Variants in POLR3E observed in about 807,000 individuals in gnomAD.
POLR3E encodes RNA polymerase III subunit E.
POLR3E carries 41 observed loss-of-function variants against 96.6 expected under a neutral mutation model. That is an observed-to-expected ratio of 0.42 (90% CI 0.33 to 0.55). The LOEUF (loss-of-function observed/expected upper bound fraction) is 0.55, where lower values mean the gene tolerates loss of function less well. POLR3E is among the 20% of genes least tolerant of loss of function. The pLI, the probability that POLR3E is intolerant of heterozygous loss-of-function variation, is 0.06. For missense variants in POLR3E, 849 were observed against 952.1 expected, an observed-to-expected ratio of 0.89 and a Z score of 1.43; for synonymous variants, 396 against 383.6, an observed-to-expected ratio of 1.03 and a Z score of -0.38.
chr16:22,328,841 A>G, intron 19 of POLR3E: 4 of 446,868 alleles, frequency 9.0e-6, no homozygotes, highest in East Asian at 4.6e-5. Context: ...TTTAAAAAAT[A>G]CAGGCTGGGC....
intron 1 of POLR3E, among the ~76,000 whole-genome samples, chr16:22,297,917 G>T (rs2047929694): frequency 6.6e-6 from 1 of 152,250 alleles, no homozygotes; most frequent in South Asian, 2.1e-4. Context: ...CTGACCACCC[G>T]CGAGGGAGCA....
intron 6 of POLR3E, among the ~76,000 whole-genome samples, chr16:22,311,198 ACCT>A (rs1231937248): frequency 6.8e-6 from 1 of 147,378 alleles, no homozygotes; most frequent in Non-Finnish European, 1.5e-5. Context: ...CGAACTCCTG[ACCT>A]CAGGTGATCC....
chr16:22,328,266 A>G (rs900542015), intron 18 of POLR3E: 16 of 529,026 alleles, frequency 3.0e-5, no homozygotes, highest in Admixed American at 9.6e-5. Flanking sequence ...CACTGGGCCC[A>G]TCACACTCCC....
chr16:22,316,687 G>C lies in POLR3E; in HGVS notation c.728+1G>C. The C allele has an allele frequency of 6.2e-7, 1 of 1,612,874 alleles. No homozygotes were observed. Among genetic ancestry groups the C allele is most frequent in the African/African-American group, 1.3e-5 (1 of 75,040 alleles). The stretch of plus-strand genomic sequence containing the variant: ...ACACGGAGCTCGTCAAGTCACCCAG[G>C]TGGGATGGGCTGGGCCAGCATGCAA... On this transcript the variant is annotated splice_donor_variant, in intron 10 of 20. Coordinates refer to ENST00000299853, the MANE Select transcript of POLR3E (RefSeq NM_018119.4). LOFTEE classifies it high-confidence loss of function.
chr16:22,324,598 C>T lies in POLR3E; in HGVS notation c.1224C>T (p.Phe408=). The part of the protein sequence containing the change: ...WEFILPYDGE[F]IKKHPDVVQR... Reference sequence around the variant, plus strand: ...TCATTCTGCCTTATGATGGGGAGTTCATCAAGAAGCACCCGGATGTGGTCC... The same window carrying T: ...TCATTCTGCCTTATGATGGGGAGTTTATCAAGAAGCACCCGGATGTGGTCC... Residue 408 remains phenylalanine, a synonymous_variant, in exon 16 of 21, where the codon TTC becomes TTT. Transcript: ENST00000299853. 6.2e-7 allele frequency: 1 copy of T among 1,613,722 alleles called. No homozygotes were observed. Among genetic ancestry groups the T allele is most frequent in the Non-Finnish European group, 8.5e-7 (1 of 1,179,890 alleles).
At chr16:22,316,038 A>G (rs1226289787) in intron 9 of POLR3E, among the ~76,000 whole-genome samples, 7 of 152,128 alleles carry the variant, frequency 4.6e-5, no homozygotes, top group South Asian at 2.1e-4. Flanking sequence ...CAAAGACACC[A>G]TGGGCCAGGG....
intron 5 of POLR3E, 61 bp downstream of exon 5, chr16:22,309,101 A>C: frequency 5.0e-6 from 6 of 1,193,256 alleles, no homozygotes; most frequent in Non-Finnish European, 6.1e-6. Flanking sequence ...CCTCCAAAAG[A>C]CCTTAAAGAC....
intron 1 of POLR3E, among the ~76,000 whole-genome samples, chr16:22,299,568 C>T (rs1270607188): frequency 1.3e-5 from 2 of 151,864 alleles, no homozygotes; most frequent in African/African-American, 2.4e-5. Flanking sequence ...CGTGCATCAC[C>T]ACGCCTGGCT....
intron 6 of POLR3E, 128 bp downstream of exon 6, chr16:22,309,638 AG>A: frequency 1.3e-6 from 1 of 751,222 alleles, no homozygotes; most frequent in Non-Finnish European, 2.4e-6. Flanking sequence ...GGGGCCGGGC[AG>A]GTGTGGAAAT....
chr16:22,308,309 G>A lies in POLR3E; in HGVS notation c.165+84G>A, dbSNP rs2048177016. On this transcript the variant is annotated intron_variant, in intron 4 of 20. Transcript: ENST00000299853. ...TGGTGGAGGCGAGAAGCTCAGAGAA[G>A]GAGTCATTGGAGAAGTAGGAGAACC... The A allele has an allele frequency of 5.8e-6, 6 of 1,031,986 alleles. No homozygotes were observed. The East Asian group carries it at 1.4e-4, about 25-fold the overall frequency. The allele number at this position is 1,031,986 out of a possible 1,614,324, so 63.9% of individuals were successfully genotyped here.
intron 19 of POLR3E, among the ~76,000 whole-genome samples, chr16:22,329,825 C>CA (rs1440035231): frequency 6.6e-6 from 1 of 152,100 alleles, no homozygotes; most frequent in African/African-American, 2.4e-5. Context: ...AACAGGGTCT[C>CA]ACTATGTTGG....
At position 22,323,060 on chromosome 16, in the gene POLR3E, C is replaced by G. The variant is rs921732751; in HGVS notation, c.1068+129C>G. 12 of 625,376 alleles carry G rather than the reference C, an allele frequency of 1.9e-5. No individual in the cohort carries two copies. The Admixed American group carries it at 2.4e-4, about 12-fold the overall frequency. The allele number at this position is 625,376 out of a possible 1,614,324, so 38.7% of individuals were successfully genotyped here. A position where few individuals can be genotyped will look rare whatever the true frequency, so the allele number is the denominator to read the frequency against. ...GGCGGGTGTGTGAGGAGGCCCTGGC[C>G]TCTGCCTTTCTCCTCCTTCCTCTCA... is the stretch of plus-strand genomic sequence containing the variant. On this transcript the variant is annotated intron_variant, in intron 14 of 20. Coordinates refer to ENST00000299853, the MANE Select transcript of POLR3E (RefSeq NM_018119.4).
chr16:22,303,108 C>A, intron 2 of POLR3E, 104 bp downstream of exon 2: 1 of 1,073,102 alleles, frequency 9.3e-7, no homozygotes, highest in Non-Finnish European at 1.5e-6. Context: ...TGTTCTGGGA[C>A]CCCTAACCCT....
chr16:22,302,204 T>C (rs1598232161), intron 1 of POLR3E, among the ~76,000 whole-genome samples: 1 of 151,958 alleles, frequency 6.6e-6, no homozygotes, highest in East Asian at 1.9e-4. Context: ...GAAAGGCCTT[T>C]CCCGCCTCTC....
In POLR3E at chr16:22,313,218, TC is replaced by T. The variant is rs1226909645; in HGVS notation, c.365-400del. On this transcript the variant is annotated intron_variant, in intron 6 of 20. Transcript: ENST00000299853. This position sits in a 1 kb window ranked among gnomAD's most constrained non-coding sequence, Gnocchi z 4.1. ...GATGGAGGATAAGAAGGAGAGGAAATCCAGGTGTGTGGGGCGGGACAGTAAG... is the reference window on the plus strand; with the variant it reads ...GATGGAGGATAAGAAGGAGAGGAAATCAGGTGTGTGGGGCGGGACAGTAAG... Among the ~76,000 whole-genome samples, 1 of 152,020 alleles carries T rather than the reference TC, an allele frequency of 6.6e-6. No individual in the cohort carries two copies. The highest frequency in any genetic ancestry group is 2.4e-5 in the African/African-American group (1 of 41,380).
At chr16:22,316,480 C>T in intron 9 of POLR3E, 121 bp from the exon 10 acceptor site, 2 of 713,524 alleles carry the variant, frequency 2.8e-6, no homozygotes, top group Admixed American at 2.4e-5. Flanking sequence ...GTGCCGTGCT[C>T]AGGAGGTTGG....
intron 8 of POLR3E, among the ~76,000 whole-genome samples, chr16:22,314,704 A>C (rs985841102): frequency 6.6e-6 from 1 of 152,162 alleles, no homozygotes; most frequent in Non-Finnish European, 1.5e-5. Flanking sequence ...GGCGTAATGG[A>C]CATGGAGGTG....
chr16:22,305,484 C>T (rs990505441), intron 3 of POLR3E: 13 of 652,952 alleles, frequency 2.0e-5, no homozygotes, highest in African/African-American at 5.3e-5. Flanking sequence ...ACCATAGCTG[C>T]GAGACCGTGG....
Position 22,332,055 on chromosome 16 carries a change from T to C in POLR3E, c.1945-5T>C, listed in dbSNP as rs1372582673. ...TCCCATCATAACGTGTTTTTGCTAC[T>C]AAAGCATCGACAGGTTTTGCTTGAA... On this transcript the variant is annotated splice_polypyrimidine_tract_variant and splice_region_variant and intron_variant, in intron 19 of 20. Transcript: ENST00000299853. The C allele has an allele frequency of 6.2e-7, 1 of 1,613,408 alleles. No homozygotes were observed. The highest frequency in any genetic ancestry group is 1.7e-5 in the Admixed American group (1 of 59,924).
Sources: gnomAD v4.1 joint callset for allele counts (sites outside exome capture counted in the v4.1 genomes callset) on GRCh38, gnomAD v4.1.1 for gene constraint, Gnocchi (gnomAD v3.1) non-coding constraint, MANE v1.5 for transcripts, NCBI Gene and HGNC (gene_info 2026-07-23, HGNC 2026-07-21) for gene names.